DROSHA: variants seen among roughly 807,000 people sequenced by gnomAD.
DROSHA encodes the protein drosha ribonuclease III.
In DROSHA, 56 loss-of-function variants were observed where a neutral mutation model predicts 181.9. That is an observed-to-expected ratio of 0.31 (90% CI 0.25 to 0.38). The LOEUF (loss-of-function observed/expected upper bound fraction) is 0.38, where lower values mean the gene tolerates loss of function less well. Ranked by LOEUF, DROSHA falls within the 10% of genes least tolerant of loss-of-function variation. The pLI is 1.00. For synonymous variants in DROSHA, 524 were observed against 591.2 expected (o/e 0.89, Z 1.65); for missense variants, 1,218 against 1,743.5 (o/e 0.70, Z 5.37).
chr5:31,523,559 T>C (rs1009384084), intron 5 of DROSHA, among the ~76,000 whole-genome samples: 1 of 152,224 alleles, frequency 6.6e-6, no homozygotes, highest in Non-Finnish European at 1.5e-5. Flanking sequence ...TCTAGAATGT[T>C]TGCTGCAAAA....
chr5:31,486,315 G>A (rs533183356), intron 14 of DROSHA, among the ~76,000 whole-genome samples, 176 bp downstream of exon 14: 2 of 152,296 alleles, frequency 1.3e-5, no homozygotes, highest in South Asian at 4.1e-4. Context: ...AAATTGGCCT[G>A]AATTTTAACC....
At position 31,483,644 on chromosome 5, in the gene DROSHA, G is replaced by T; in HGVS notation, c.1997-16C>A. ...AACAAAGGACCTGAAGCAAACAAAT[G>T]AGAAAAAAAAAAAAAAAAGAAAACT... On this transcript the variant is annotated splice_polypyrimidine_tract_variant and intron_variant, in intron 15 of 35. Transcript: ENST00000344624. The T allele has an allele frequency of 3.6e-6, 4 of 1,120,292 alleles. No homozygotes were observed. Among genetic ancestry groups the T allele is most frequent in the Non-Finnish European group, 4.6e-6 (4 of 869,802 alleles). The allele number at this position is 1,120,292 out of a possible 1,614,324, so 69.4% of individuals were successfully genotyped here.
At chr5:31,493,957 G>C (rs1184016364) in intron 12 of DROSHA, among the ~76,000 whole-genome samples, 2 of 146,312 alleles carry the variant, frequency 1.4e-5, no homozygotes, top group Non-Finnish European at 3.0e-5. Flanking sequence ...GTGTGTGTGT[G>C]TGTGTGTGTG....
Position 31,526,075 on chromosome 5 carries a change from T to C in DROSHA, c.854+4A>G. 6.3e-7 allele frequency: 1 copy of C among 1,575,046 alleles called. No homozygotes were observed. The highest frequency in any genetic ancestry group is 2.3e-5 in the East Asian group (1 of 44,288). The stretch of plus-strand genomic sequence containing the variant: ...CATTAAAGAACTACACACAAGCGGT[T>C]TACCTGCTCCGTTCGTAGCTGCGGT... On this transcript the variant is annotated splice_donor_region_variant and intron_variant, in intron 5 of 35. Transcript: ENST00000344624.
At position 31,409,219 on chromosome 5, in the gene DROSHA, G is replaced by A. The variant is rs1579982256; in HGVS notation, c.3750+31C>T. The A allele has an allele frequency of 1.2e-6, 2 of 1,604,356 alleles. No homozygotes were observed. The highest frequency in any genetic ancestry group is 1.7e-6 in the Non-Finnish European group (2 of 1,174,836). ...TTCTGGAATCACCAAACATAAAGCA[G>A]ACCACTAATTCAAACTTTATATGAG... On this transcript the variant is annotated intron_variant, in intron 32 of 35. Transcript: ENST00000344624. This position sits in a 1 kb window ranked among gnomAD's most constrained non-coding sequence, Gnocchi z 4.0.
intron 15 of DROSHA, among the ~76,000 whole-genome samples, chr5:31,484,327 T>C (rs961465643): frequency 2.2e-5 from 3 of 133,736 alleles, no homozygotes; most frequent in African/African-American, 5.9e-5. Flanking sequence ...TGAGCCGAGA[T>C]TGCGCCACTG....
chr5:31,421,949 G>A (rs1358209118), intron 29 of DROSHA: 1 of 126,360 alleles, frequency 7.9e-6, no homozygotes, highest in Admixed American at 8.3e-5. Context: ...AATTAGCCAG[G>A]CATGGTAGCA....
At chr5:31,446,180 C>T (rs993898493) in intron 23 of DROSHA, among the ~76,000 whole-genome samples, 6 of 152,128 alleles carry the variant, frequency 3.9e-5, no homozygotes, top group South Asian at 2.1e-4. Flanking sequence ...GGCGTGGTGG[C>T]TCACGCCTGT....
At position 31,526,685 on chromosome 5, in the gene DROSHA, G is replaced by T. The variant is rs149389256; in HGVS notation, c.248C>A (p.Pro83Gln). 58 of 1,522,076 alleles carry T rather than the reference G, an allele frequency of 3.8e-5. No homozygotes were observed. Among genetic ancestry groups the T allele is most frequent in the South Asian group, 1.5e-4 (11 of 75,698 alleles). 94.3% of individuals were successfully genotyped at this position (1,522,076 alleles called of 1,614,324 possible). A position where few individuals can be genotyped will look rare whatever the true frequency, so the allele number is the denominator to read the frequency against. ...GCCTTGCGCTGACGGAGGCATGGGT[G>T]GGGGGAAGGGTACAAAGTCTGGTCG... ...PPRPDFVPFP[P>Q]PMPPSAQGPL... Residue 83 changes from proline to glutamine, a missense_variant, in exon 5 of 36, where the codon CCA (proline) becomes CAA (glutamine). Transcript: ENST00000344624.
At chr5:31,478,768 G>T (rs1750692146) in intron 16 of DROSHA, among the ~76,000 whole-genome samples, 2 of 152,172 alleles carry the variant, frequency 1.3e-5, no homozygotes, top group African/African-American at 4.8e-5. Flanking sequence ...GTATTGGCAG[G>T]TGTATAGAAA....
At chr5:31,519,672 A>G (rs974739634) in intron 6 of DROSHA, among the ~76,000 whole-genome samples, 1 of 152,186 alleles carries the variant, frequency 6.6e-6, no homozygotes, top group Admixed American at 6.5e-5. Context: ...GATGGTATCC[A>G]TCAGGTTCAT....
At chr5:31,445,027 G>A (rs960904782) in intron 23 of DROSHA, among the ~76,000 whole-genome samples, 3 of 152,248 alleles carry the variant, frequency 2.0e-5, no homozygotes, top group Non-Finnish European at 4.4e-5. Flanking sequence ...CCAGTGGGCA[G>A]CTGAAGTAAT....
At chr5:31,438,411 G>A (rs761919994) in intron 23 of DROSHA, among the ~76,000 whole-genome samples, 1 of 152,154 alleles carries the variant, frequency 6.6e-6, no homozygotes, top group Non-Finnish European at 1.5e-5. Context: ...TCACATTTGG[G>A]ATGCATTTTG....
chr5:31,508,095 A>T (rs1395842587), intron 10 of DROSHA, among the ~76,000 whole-genome samples: 1 of 152,208 alleles, frequency 6.6e-6, no homozygotes, highest in East Asian at 1.9e-4. Flanking sequence ...GTGTGACACA[A>T]ATCTTTTTTA....
intron 30 of DROSHA, among the ~76,000 whole-genome samples, chr5:31,414,423 C>G (rs911002589): frequency 1.3e-5 from 2 of 152,142 alleles, no homozygotes; most frequent in Non-Finnish European, 2.9e-5. Flanking sequence ...AACAATGCCT[C>G]GTGTTAGAGA....
chr5:31,451,468 GT>G, intron 21 of DROSHA, 64 bp downstream of exon 21: 1 of 1,343,360 alleles, frequency 7.4e-7, no homozygotes, highest in Non-Finnish European at 1.0e-6. Context: ...TGTACCATTT[GT>G]GACCTGCAAG....
chr5:31,475,539 T>A, intron 16 of DROSHA, among the ~76,000 whole-genome samples: 1 of 152,122 alleles, frequency 6.6e-6, no homozygotes, highest in East Asian at 1.9e-4. Context: ...ACACTTCACA[T>A]GCATACACAC....
chr5:31,483,966 A>G (rs1404249521), intron 15 of DROSHA, among the ~76,000 whole-genome samples: 3 of 151,600 alleles, frequency 2.0e-5, no homozygotes, highest in Non-Finnish European at 4.4e-5. Context: ...TAATGTGACT[A>G]TGTGTTCATT....
chr5:31,451,538 A>T lies in DROSHA; in HGVS notation c.2677T>A (p.Leu893Met), dbSNP rs762575748. ...TACAGGAGAATAATTCTTACCTGCA[A>T]CAGACAACGATCTTGGAAAGTATAT... ...IGYTFQDRCL[L>M]QLAMTHPSHH... The change falls in exon 21 of 36, where the codon TTG becomes ATG. Residue 893 changes from leucine (L) to methionine (M), a missense_variant. Physicochemically the swap from Leu to Met is conservative, Grantham distance 15. Transcript: ENST00000344624. 6.2e-7 allele frequency: 1 copy of T among 1,609,554 alleles called. No individual in the cohort carries two copies. The highest frequency in any genetic ancestry group is 8.5e-7 in the Non-Finnish European group (1 of 1,177,664).
Sources: gnomAD v4.1 joint callset for allele counts (sites outside exome capture counted in the v4.1 genomes callset) on GRCh38, gnomAD v4.1.1 for gene constraint, Gnocchi (gnomAD v3.1) non-coding constraint, MANE v1.5 for transcripts, NCBI Gene and HGNC (gene_info 2026-07-23, HGNC 2026-07-21) for gene names.